Variants in CNTN5 observed in about 807,000 individuals in gnomAD.
The protein encoded by CNTN5 is contactin-5.
In CNTN5, 77 loss-of-function variants were observed where a neutral mutation model predicts 129.1. That is an observed-to-expected ratio of 0.60 (90% CI 0.50 to 0.72). The LOEUF (loss-of-function observed/expected upper bound fraction) is 0.72, where lower values mean the gene tolerates loss of function less well. Among genes scored for constraint, CNTN5 ranks in the 30% least tolerant of loss-of-function variants. The pLI is 0.00. For synonymous variants in CNTN5, 509 were observed against 465.6 expected, an observed-to-expected ratio of 1.09 and a Z score of -1.20; for missense variants, 1,478 against 1,328.8, an observed-to-expected ratio of 1.11 and a Z score of -1.75.
intron 2 of CNTN5, among the ~76,000 whole-genome samples, chr11:99,469,389 T>C (rs1303535132): frequency 6.6e-6 from 1 of 152,160 alleles, no homozygotes; most frequent in Admixed American, 6.5e-5. Context: ...TCCGTAGAGA[T>C]TGTATATAAA....
intron 3 of CNTN5, among the ~76,000 whole-genome samples, chr11:99,570,100 G>C (rs559654909): frequency 6.8e-5 from 10 of 147,242 alleles, no homozygotes; most frequent in Admixed American, 1.4e-4. Context: ...AGGCCTGCAA[G>C]AATTTGCTTC....
At chr11:100,009,734 A>C (rs1012205703) in intron 9 of CNTN5, among the ~76,000 whole-genome samples, 1 of 152,124 alleles carries the variant, frequency 6.6e-6, no homozygotes, top group South Asian at 2.1e-4. Flanking sequence ...TTTGTCTTCT[A>C]ATGGTTTAGA....
intron 3 of CNTN5, among the ~76,000 whole-genome samples, chr11:99,790,532 A>T (rs577125593): frequency 6.6e-6 from 1 of 152,110 alleles, no homozygotes; most frequent in African/African-American, 2.4e-5. Context: ...TTAGTGTTCT[A>T]TAGCGTGTGT....
chr11:99,461,440 A>G lies in CNTN5; in HGVS notation c.-70-94705A>G, dbSNP rs989718166. On this transcript the variant is annotated intron_variant, in intron 2 of 24. Transcript: ENST00000524871. ...TTTCAAATGCCCCAAGAGATCGCCTATGAAGACCAACAAGGATGTGAGGAG... is the reference window on the plus strand; with the variant it reads ...TTTCAAATGCCCCAAGAGATCGCCTGTGAAGACCAACAAGGATGTGAGGAG... 3.3e-5 allele frequency among the ~76,000 whole-genome samples: 5 copies of G among 152,170 alleles called. No individual in the cohort carries two copies. The East Asian group carries it at 5.8e-4, about 18-fold the overall frequency.
At chr11:99,688,499 A>G (rs747532989) in intron 3 of CNTN5, among the ~76,000 whole-genome samples, 1 of 152,212 alleles carries the variant, frequency 6.6e-6, no homozygotes, top group African/African-American at 2.4e-5. Context: ...CCTCCTTTCA[A>G]GGAGTTTAAT....
chr11:100,275,554 T>C lies in CNTN5; in HGVS notation c.2314+4313T>C, dbSNP rs532579388. Among the ~76,000 whole-genome samples, 67 of 152,372 alleles carry C rather than the reference T, an allele frequency of 4.4e-4. 1 individual carries two copies. The South Asian group carries it at 0.012, about 28-fold the overall frequency. ...TAATCCTTTTCAACTTTTTATGGTA[T>C]GAATCTCCTTGTGCTATTAAAAAGC... is the stretch of plus-strand genomic sequence containing the variant. On this transcript the variant is annotated intron_variant, in intron 18 of 24. Transcript: ENST00000524871.
intron 3 of CNTN5, among the ~76,000 whole-genome samples, chr11:99,588,909 G>A (rs972510880): frequency 6.6e-6 from 1 of 152,180 alleles, no homozygotes; most frequent in Non-Finnish European, 1.5e-5. Context: ...CACAGTTGCT[G>A]TTGTGGAAAA....
chr11:99,437,910 A>G (rs979212973), intron 2 of CNTN5, among the ~76,000 whole-genome samples: 5 of 152,206 alleles, frequency 3.3e-5, no homozygotes, highest in African/African-American at 1.2e-4. Flanking sequence ...TCACCACCAT[A>G]GGGCAATCAC....
At chr11:99,679,291 T>C (rs1565419240) in intron 3 of CNTN5, among the ~76,000 whole-genome samples, 1 of 151,466 alleles carries the variant, frequency 6.6e-6, no homozygotes, top group Non-Finnish European at 1.5e-5. Context: ...CCTCATTTTA[T>C]CGCACTCTGC....
intron 13 of CNTN5, among the ~76,000 whole-genome samples, chr11:100,115,503 C>T (rs1945814305): frequency 6.6e-6 from 1 of 151,980 alleles, no homozygotes; most frequent in Admixed American, 6.6e-5. Context: ...ATATTTGAAG[C>T]ATGTTGTTTC....
intron 4 of CNTN5, among the ~76,000 whole-genome samples, chr11:99,827,921 A>G (rs1276895666): frequency 2.0e-5 from 3 of 152,180 alleles, no homozygotes; most frequent in Non-Finnish European, 4.4e-5. Flanking sequence ...CACTATCTGT[A>G]CAAGTTTATT....
At chr11:99,407,295 T>A (rs987106498) in intron 2 of CNTN5, among the ~76,000 whole-genome samples, 31 of 152,098 alleles carry the variant, frequency 2.0e-4, no homozygotes, top group Non-Finnish European at 4.4e-5. Context: ...GCCTAGTGCT[T>A]CTATTCAAAT....
chr11:99,925,767 A>G (rs948614970), intron 7 of CNTN5, among the ~76,000 whole-genome samples: 1 of 152,096 alleles, frequency 6.6e-6, no homozygotes, highest in Non-Finnish European at 1.5e-5. Flanking sequence ...ACCTAGTTTA[A>G]GACAGGCAGA....
intron 13 of CNTN5, among the ~76,000 whole-genome samples, chr11:100,138,935 T>C (rs1946609276): frequency 1.3e-5 from 2 of 152,096 alleles, no homozygotes; most frequent in Non-Finnish European, 1.5e-5. Context: ...TAGACGTATT[T>C]GGAAGGTAGA....
At chr11:100,132,382 C>T (rs562840212) in intron 13 of CNTN5, among the ~76,000 whole-genome samples, 2 of 152,124 alleles carry the variant, frequency 1.3e-5, no homozygotes, top group South Asian at 4.2e-4. Context: ...AAAAGCACGA[C>T]ATATGGTAGG....
At chr11:99,314,533 T>C in intron 1 of CNTN5, among the ~76,000 whole-genome samples, 1 of 152,014 alleles carries the variant, frequency 6.6e-6, no homozygotes, top group Non-Finnish European at 1.5e-5. Flanking sequence ...GATTTTACTG[T>C]CTAGACAAAG....
chr11:100,013,519 A>G (rs1940649140), intron 9 of CNTN5, among the ~76,000 whole-genome samples: 1 of 152,192 alleles, frequency 6.6e-6, no homozygotes, highest in Admixed American at 6.5e-5. Context: ...CTAAACTTCT[A>G]CCTTGTCCTG....
chr11:99,415,090 T>C (rs75130047), intron 2 of CNTN5, among the ~76,000 whole-genome samples: 2,038 of 152,214 alleles, frequency 0.013, 56 homozygotes, highest in African/African-American at 0.046. Flanking sequence ...GGCGTGAAAA[T>C]GTGTGATATC....
chr11:99,127,676 C>G (rs17572634), intron 1 of CNTN5, among the ~76,000 whole-genome samples: 1 of 152,082 alleles, frequency 6.6e-6, no homozygotes, highest in African/African-American at 2.4e-5. Context: ...CACTTGCAAC[C>G]TTCTCAACTT....
Sources: gnomAD v4.1 joint callset for allele counts (sites outside exome capture counted in the v4.1 genomes callset) on GRCh38, gnomAD v4.1.1 for gene constraint, MANE v1.5 for transcripts, NCBI Gene and HGNC (gene_info 2026-07-23, HGNC 2026-07-21) for gene names.